NRG1: variants seen among roughly 807,000 people sequenced by gnomAD.
NRG1 encodes the protein neuregulin 1, also known as pro-neuregulin-1, membrane-bound isoform.
NRG1 carries 18 observed loss-of-function variants against 63.8 expected under a neutral mutation model. The ratio of observed to expected loss-of-function variants is 0.28; its 90% CI spans 0.19 to 0.42. The LOEUF (loss-of-function observed/expected upper bound fraction) is 0.42, where lower values mean the gene tolerates loss of function less well. NRG1 is among the 10% of genes least tolerant of loss of function. The pLI is 1.00. For synonymous variants in NRG1, 302 were observed against 301.3 expected, an observed-to-expected ratio of 1.00 and a Z score of -0.02; for missense variants, 762 against 814.7, an observed-to-expected ratio of 0.94 and a Z score of 0.79.
chr8:32,439,292 G>A (rs1281017615), intron 1 of NRG1, among the ~76,000 whole-genome samples: 2 of 152,088 alleles, frequency 1.3e-5, no homozygotes, highest in African/African-American at 2.4e-5. Context: ...TCTGTACTGA[G>A]GAATGAGGAT....
chr8:32,677,615 C>T (rs1201418160), intron 5 of NRG1, among the ~76,000 whole-genome samples: 1 of 152,042 alleles, frequency 6.6e-6, no homozygotes, highest in Non-Finnish European at 1.5e-5. Flanking sequence ...TGAGATCATG[C>T]CACTGCACTC....
intron 1 of NRG1, among the ~76,000 whole-genome samples, chr8:32,250,745 T>G (rs1026317906): frequency 6.7e-6 from 1 of 148,712 alleles, no homozygotes; most frequent in South Asian, 2.1e-4. Context: ...GTCTTTTTTT[T>G]CACACAAGTA....
At chr8:32,066,562 C>T (rs1233624187) in intron 1 of NRG1, among the ~76,000 whole-genome samples, 2 of 151,988 alleles carry the variant, frequency 1.3e-5, no homozygotes, top group South Asian at 2.1e-4. Flanking sequence ...TGTTTTGGTA[C>T]CAGTACCATG....
At chr8:31,663,407 C>T (rs1436961161) in intron 1 of NRG1, among the ~76,000 whole-genome samples, 1 of 152,154 alleles carries the variant, frequency 6.6e-6, no homozygotes, top group Non-Finnish European at 1.5e-5. Flanking sequence ...GTGGAATCAA[C>T]ACCCTTCCTC....
intron 7 of NRG1, among the ~76,000 whole-genome samples, chr8:32,745,736 C>G (rs377643245): frequency 6.6e-6 from 1 of 151,552 alleles, no homozygotes; most frequent in Non-Finnish European, 1.5e-5. Flanking sequence ...ACTCCATAAT[C>G]AATGTACAGA....
intron 1 of NRG1, among the ~76,000 whole-genome samples, chr8:31,714,927 T>C (rs1322172498): frequency 1.3e-5 from 2 of 152,216 alleles, no homozygotes; most frequent in African/African-American, 2.4e-5. Flanking sequence ...GATTTTTTTT[T>C]CTCTAAATAC....
intron 1 of NRG1, among the ~76,000 whole-genome samples, chr8:32,142,744 T>C (rs1487713837): frequency 1.3e-5 from 2 of 152,204 alleles, no homozygotes; most frequent in African/African-American, 2.4e-5. Flanking sequence ...ATTAGACCAA[T>C]GACATTGTGA....
At chr8:32,048,444 TAC>T (rs113290952) in intron 1 of NRG1, among the ~76,000 whole-genome samples, 414 of 2,516 alleles carry the variant, frequency 0.16, 11 homozygotes, top group East Asian at 0.5. Context: ...CATATATACA[TAC>T]ATATATATAT....
intron 1 of NRG1, among the ~76,000 whole-genome samples, chr8:32,354,048 C>T (rs1304936760): frequency 6.6e-6 from 1 of 152,098 alleles, no homozygotes; most frequent in African/African-American, 2.4e-5. Context: ...AAAATAATTA[C>T]ACTAAGTGAT....
At chr8:31,683,475 C>T (rs774979196) in intron 1 of NRG1, among the ~76,000 whole-genome samples, 3 of 151,954 alleles carry the variant, frequency 2.0e-5, no homozygotes, top group Non-Finnish European at 4.4e-5. Context: ...CGTATGATTG[C>T]GATTATGTGA....
intron 1 of NRG1, among the ~76,000 whole-genome samples, chr8:32,157,810 T>A (rs990851585): frequency 3.3e-5 from 5 of 151,782 alleles, no homozygotes; most frequent in African/African-American, 1.2e-4. Flanking sequence ...AAGAGAGAAG[T>A]CAGTAAAACC....
chr8:31,848,267 A>G (rs963696964), intron 1 of NRG1, among the ~76,000 whole-genome samples: 5 of 152,152 alleles, frequency 3.3e-5, no homozygotes, highest in African/African-American at 1.2e-4. Flanking sequence ...AAATTATATA[A>G]CTAGATGACT....
At chr8:32,206,320 T>G (rs977402092) in intron 1 of NRG1, among the ~76,000 whole-genome samples, 2 of 152,190 alleles carry the variant, frequency 1.3e-5, no homozygotes, top group South Asian at 2.1e-4. Context: ...CGTGAAGCAT[T>G]CCAAAGTGAA....
intron 1 of NRG1, among the ~76,000 whole-genome samples, chr8:32,298,729 A>G (rs1205365653): frequency 2.5e-5 from 3 of 121,638 alleles, no homozygotes; most frequent in Admixed American, 8.1e-5. Flanking sequence ...AAAAAAAAAA[A>G]AGAAAAGAAA....
intron 1 of NRG1, among the ~76,000 whole-genome samples, chr8:31,903,544 G>A (rs1387252765): frequency 1.3e-5 from 2 of 152,094 alleles, no homozygotes; most frequent in African/African-American, 4.8e-5. Flanking sequence ...CTGACCCACA[G>A]AATCTACTAG....
At chr8:32,717,183 T>G (rs1819461505) in intron 5 of NRG1, among the ~76,000 whole-genome samples, 1 of 152,150 alleles carries the variant, frequency 6.6e-6, no homozygotes, top group Non-Finnish European at 1.5e-5. Flanking sequence ...ATGTACATTT[T>G]CTTTAGAGAA....
At chr8:32,425,493 C>G in intron 1 of NRG1, among the ~76,000 whole-genome samples, 1 of 152,180 alleles carries the variant, frequency 6.6e-6, no homozygotes, top group East Asian at 1.9e-4. Flanking sequence ...CAAGCCAAAA[C>G]TACCTCCCCC....
intron 1 of NRG1, among the ~76,000 whole-genome samples, chr8:31,941,020 A>G (rs1288983703): frequency 2.6e-5 from 4 of 152,170 alleles, no homozygotes; most frequent in Non-Finnish European, 4.4e-5. Context: ...CAAATGATAG[A>G]GAAAGAAGGA....
chr8:32,728,879 C>A (rs1822938878), intron 6 of NRG1, among the ~76,000 whole-genome samples: 1 of 152,022 alleles, frequency 6.6e-6, no homozygotes, highest in Non-Finnish European at 1.5e-5. Context: ...TCCTGGCTAA[C>A]ACCGTGAAAC....
Sources: gnomAD v4.1 joint callset for allele counts (sites outside exome capture counted in the v4.1 genomes callset) on GRCh38, gnomAD v4.1.1 for gene constraint, MANE v1.5 for transcripts, NCBI Gene and HGNC (gene_info 2026-07-23, HGNC 2026-07-21) for gene names.